Variants in FMN1 observed in about 807,000 individuals in gnomAD.
FMN1 encodes the protein formin 1, also known as formin-1.
Under a neutral mutation model 132.4 loss-of-function variants are expected in FMN1, and 110 were observed. The observed-to-expected ratio is 0.83, with a 90% confidence interval of 0.71 to 0.97. The LOEUF (loss-of-function observed/expected upper bound fraction) is 0.97, where lower values mean the gene tolerates loss of function less well. Among genes scored for constraint, FMN1 ranks in the 50% least tolerant of loss-of-function variants. The pLI is 0.00. For synonymous variants in FMN1, 722 were observed against 651.7 expected (o/e 1.11, Z -1.64); for missense variants, 1,792 against 1,705.3 (o/e 1.05, Z -0.90).
intron 7 of FMN1, among the ~76,000 whole-genome samples, chr15:33,005,725 A>C (rs1359443003): frequency 1.3e-5 from 2 of 152,188 alleles, no homozygotes; most frequent in African/African-American, 4.8e-5. Flanking sequence ...TTGGCTGTTA[A>C]CACAACTTCT....
chr15:33,158,538 C>A (rs1045090211), intron 3 of FMN1, among the ~76,000 whole-genome samples: 5 of 152,014 alleles, frequency 3.3e-5, no homozygotes, highest in Non-Finnish European at 1.5e-5. Context: ...TGTCCGGAAC[C>A]AAAGAGGAGC....
At chr15:32,779,408 CAAT>C (rs2056592113) in intron 19 of FMN1, among the ~76,000 whole-genome samples, 1 of 152,086 alleles carries the variant, frequency 6.6e-6, no homozygotes, top group Admixed American at 6.5e-5. Context: ...AACAATTAGA[CAAT>C]ATTAACTGTT....
intron 6 of FMN1, among the ~76,000 whole-genome samples, chr15:33,031,637 G>C (rs1035463739): frequency 2.6e-5 from 4 of 152,160 alleles, no homozygotes; most frequent in African/African-American, 4.8e-5. Context: ...CCAAATAAAG[G>C]AGCCACAGCT....
At chr15:32,907,021 A>AATGTCC (rs2060442396) in intron 12 of FMN1, among the ~76,000 whole-genome samples, 2 of 152,106 alleles carry the variant, frequency 1.3e-5, no homozygotes, top group African/African-American at 4.8e-5. Context: ...CCTGAGTCTA[A>AATGTCC]ATGTCCAGGC....
intron 6 of FMN1, among the ~76,000 whole-genome samples, chr15:33,048,195 T>C (rs2036780220): frequency 6.6e-6 from 1 of 152,220 alleles, no homozygotes; most frequent in Non-Finnish European, 1.5e-5. Context: ...TTTAAGGTCA[T>C]AAACTGCTTC....
At chr15:33,025,939 A>G (rs1304401196) in intron 6 of FMN1, among the ~76,000 whole-genome samples, 1 of 152,202 alleles carries the variant, frequency 6.6e-6, no homozygotes, top group African/African-American at 2.4e-5. Context: ...CCTACATTAA[A>G]CTAGAGGCGT....
chr15:33,027,080 T>C (rs1025006187), intron 6 of FMN1, among the ~76,000 whole-genome samples: 1 of 152,110 alleles, frequency 6.6e-6, no homozygotes, highest in South Asian at 2.1e-4. Context: ...CATATTTTTT[T>C]TTTAATGCAA....
intron 4 of FMN1, among the ~76,000 whole-genome samples, chr15:33,149,288 A>C (rs1964352931): frequency 6.6e-6 from 1 of 152,190 alleles, no homozygotes; most frequent in African/African-American, 2.4e-5. Flanking sequence ...GAGGGGTGAT[A>C]GTTGTTTTAC....
chr15:32,922,744 G>A (rs545948969), intron 10 of FMN1, among the ~76,000 whole-genome samples: 22 of 152,334 alleles, frequency 1.4e-4, no homozygotes, highest in Non-Finnish European at 2.1e-4. Context: ...AATGCCTGAA[G>A]CTATCCAGAA....
intron 4 of FMN1, among the ~76,000 whole-genome samples, chr15:33,119,169 T>C (rs1376768545): frequency 1.3e-5 from 2 of 152,214 alleles, no homozygotes; most frequent in East Asian, 1.9e-4. Context: ...ATGATCTAGT[T>C]AGATTCATCT....
intron 3 of FMN1, among the ~76,000 whole-genome samples, chr15:33,174,196 A>T (rs1238235581): frequency 2.0e-5 from 3 of 152,106 alleles, no homozygotes; most frequent in African/African-American, 7.2e-5. Context: ...TTTCCCAAAG[A>T]AAAGAAAAGA....
chr15:33,050,372 A>C lies in FMN1; in HGVS notation c.2161+14585T>G, dbSNP rs555545529. Among the ~76,000 whole-genome samples, 12 of 151,970 alleles carry C rather than the reference A, an allele frequency of 7.9e-5. 1 individual carries two copies. The South Asian group carries it at 2.5e-3, about 32-fold the overall frequency. ...ATGGCAAGTTAGAGCCTAAGATTCCAATACATACAATGATAAAAGGATTTT... is the reference window on the plus strand; with the variant it reads ...ATGGCAAGTTAGAGCCTAAGATTCCCATACATACAATGATAAAAGGATTTT... On this transcript the variant is annotated intron_variant, in intron 6 of 20. Transcript: ENST00000616417.
intron 17 of FMN1, among the ~76,000 whole-genome samples, chr15:32,853,116 G>A (rs2059046411): frequency 6.6e-6 from 1 of 152,190 alleles, no homozygotes; most frequent in Non-Finnish European, 1.5e-5. Flanking sequence ...TGGTGACTAA[G>A]TAAAAAGGTG....
At chr15:33,184,037 C>T (rs1965794873) in intron 2 of FMN1, among the ~76,000 whole-genome samples, 1 of 152,008 alleles carries the variant, frequency 6.6e-6, no homozygotes, top group Non-Finnish European at 1.5e-5. Context: ...ATTGGTTTCA[C>T]CATTCTTTTA....
At chr15:32,916,022 G>A (rs2140299228) in intron 10 of FMN1, among the ~76,000 whole-genome samples, 1 of 152,304 alleles carries the variant, frequency 6.6e-6, no homozygotes, top group South Asian at 2.1e-4. Flanking sequence ...GTCCTCTGGT[G>A]CCTGCTCTGT....
At chr15:33,030,528 G>C (rs188989776) in intron 6 of FMN1, among the ~76,000 whole-genome samples, 1 of 152,060 alleles carries the variant, frequency 6.6e-6, no homozygotes, top group East Asian at 1.9e-4. Flanking sequence ...GGTTTAATGG[G>C]GACATTAGGA....
chr15:32,827,792 G>T (rs550211303), intron 17 of FMN1, among the ~76,000 whole-genome samples: 62 of 151,796 alleles, frequency 4.1e-4, no homozygotes, highest in African/African-American at 1.5e-3. Flanking sequence ...TGCAGTGAGC[G>T]GAGATTGCGC....
At chr15:33,073,149 C>T (rs1486210478) in intron 5 of FMN1, among the ~76,000 whole-genome samples, 1 of 152,176 alleles carries the variant, frequency 6.6e-6, no homozygotes. Context: ...TGTAGCACTT[C>T]TCGCTATTAC....
intron 9 of FMN1, among the ~76,000 whole-genome samples, chr15:32,958,947 C>A (rs1176735277): frequency 6.7e-6 from 1 of 148,964 alleles, no homozygotes; most frequent in Non-Finnish European, 1.5e-5. Flanking sequence ...GAGGCTGAGG[C>A]AGGACAATCG....
Sources: gnomAD v4.1 joint callset for allele counts (sites outside exome capture counted in the v4.1 genomes callset) on GRCh38, gnomAD v4.1.1 for gene constraint, MANE v1.5 for transcripts, NCBI Gene and HGNC (gene_info 2026-07-23, HGNC 2026-07-21) for gene names.